TRAF6: variants seen among roughly 807,000 people sequenced by gnomAD.
The protein encoded by TRAF6 is TNF receptor-associated factor 6.
In TRAF6, 10 loss-of-function variants were observed where a neutral mutation model predicts 48.4. The ratio of observed to expected loss-of-function variants is 0.21; its 90% CI spans 0.13 to 0.35. The LOEUF (loss-of-function observed/expected upper bound fraction) is 0.35. TRAF6 is among the 10% of genes least tolerant of loss of function. The pLI is 1.00. For synonymous variants in TRAF6, 186 were observed against 219.6 expected, an observed-to-expected ratio of 0.85 and a Z score of 1.35; for missense variants, 397 against 661.0, an observed-to-expected ratio of 0.60 and a Z score of 4.38.
At chr11:36,506,921 G>A (rs1235577886) in intron 1 of TRAF6, among the ~76,000 whole-genome samples, 5 of 151,948 alleles carry the variant, frequency 3.3e-5, no homozygotes, top group Non-Finnish European at 7.4e-5. Flanking sequence ...AACAATTCTT[G>A]ACTGCCACTT....
intron 4 of TRAF6, 128 bp downstream of exon 4, chr11:36,496,980 T>C (rs1054717573): frequency 4.0e-6 from 4 of 997,108 alleles, no homozygotes; most frequent in African/African-American, 3.4e-5. Flanking sequence ...AAATCATTTT[T>C]CCCAAAATTG....
At chr11:36,500,662 G>A (rs546649093) in intron 2 of TRAF6, among the ~76,000 whole-genome samples, 8 of 152,272 alleles carry the variant, frequency 5.3e-5, no homozygotes, top group African/African-American at 1.7e-4. Flanking sequence ...AGCTGGTGGT[G>A]AGTCACAACA....
At chr11:36,500,993 T>C (rs1859708282) in intron 2 of TRAF6, among the ~76,000 whole-genome samples, 1 of 152,170 alleles carries the variant, frequency 6.6e-6, no homozygotes, top group Non-Finnish European at 1.5e-5. Context: ...GCAAATTATT[T>C]ACTTATTTAT....
Position 36,486,493 on chromosome 11 carries a change from T to TA in TRAF6, c.*3344dup, listed in dbSNP as rs1387817042. Among the ~76,000 whole-genome samples, 1 of 152,112 alleles carries TA rather than the reference T, an allele frequency of 6.6e-6. No individual in the cohort carries two copies. Among genetic ancestry groups the TA allele is most frequent in the Admixed American group, 6.5e-5 (1 of 15,274 alleles). On this transcript the variant is annotated 3_prime_UTR_variant, in exon 7 of 7. Coordinates refer to ENST00000526995, the MANE Select transcript of TRAF6 (RefSeq NM_004620.4). ...TTAGTTTATCTAAGACTTACTGGTG[T>TA]AAAAACGGTAATAGAGAATTATACT... is the stretch of plus-strand genomic sequence containing the variant.
chr11:36,499,004 T>C (rs1217171778), intron 2 of TRAF6, among the ~76,000 whole-genome samples: 1 of 152,204 alleles, frequency 6.6e-6, no homozygotes, highest in Non-Finnish European at 1.5e-5. Flanking sequence ...ACCTATATAA[T>C]ACACTAGAAA....
rs753456030 is a variant in TRAF6 at position 36,498,505 on chromosome 11, T to C, written c.432A>G (p.Glu144=). The change falls in exon 3 of 7, where the codon GAA becomes GAG. Residue 144 remains glutamate, a synonymous_variant. Transcript: ENST00000526995. ...CPNEGCLHKM[E]LRHLEDHQAH... Reference sequence around the variant, plus strand: ...ACTTTAATACCTCAAGATGTCTCAGTTCCATCTTGTGCAAACAACCTTCAT... The same window carrying C: ...ACTTTAATACCTCAAGATGTCTCAGCTCCATCTTGTGCAAACAACCTTCAT... The C allele has an allele frequency of 1.2e-5, 19 of 1,610,784 alleles. No homozygotes were observed. The South Asian group carries it at 2.1e-4, about 18-fold the overall frequency.
At chr11:36,497,758 T>C (rs989257789) in intron 3 of TRAF6, among the ~76,000 whole-genome samples, 3 of 152,242 alleles carry the variant, frequency 2.0e-5, no homozygotes, top group African/African-American at 7.2e-5. Context: ...ACTTAGTTCA[T>C]AATAAAATGC....
chr11:36,500,048 T>C (rs1859695048), intron 2 of TRAF6, among the ~76,000 whole-genome samples: 1 of 152,234 alleles, frequency 6.6e-6, no homozygotes, highest in Non-Finnish European at 1.5e-5. Context: ...TCATCTACTA[T>C]GGGTCAGGCA....
intron 3 of TRAF6, among the ~76,000 whole-genome samples, chr11:36,498,169 C>A (rs1208657554): frequency 6.6e-6 from 1 of 152,112 alleles, no homozygotes; most frequent in Non-Finnish European, 1.5e-5. Context: ...CAGGCGTGAG[C>A]CACTGTGCCT....
In TRAF6 at chr11:36,492,647, G is replaced by A; in HGVS notation, c.679-19C>T. The A allele has an allele frequency of 6.3e-7, 1 of 1,579,828 alleles. No homozygotes were observed. The highest frequency in any genetic ancestry group is 8.6e-7 in the Non-Finnish European group (1 of 1,158,340). On this transcript the variant is annotated intron_variant, in intron 5 of 6. Coordinates refer to ENST00000526995, the MANE Select transcript of TRAF6 (RefSeq NM_004620.4). ...TAGGCATCTGAAATCCAAAACAAAG[G>A]CTGAAAAATCTCTTCCTTGCATATC...
In TRAF6 at chr11:36,489,988, A is replaced by G. The variant is rs769832285; in HGVS notation, c.1419T>C (p.Tyr473=). ...GGGCTTCCAGATGCATAAAAGTTAC[A>G]TAGCCAAAACCTTTTGGGTTCCGTG... ...TIPRNPKGFG[Y]VTFMHLEALR... The change falls in exon 7 of 7, where the codon TAT becomes TAC. Residue 473 remains tyrosine (Y), a synonymous_variant. Coordinates refer to ENST00000526995, the MANE Select transcript of TRAF6 (RefSeq NM_004620.4). 17 of 1,614,116 alleles carry G rather than the reference A, an allele frequency of 1.1e-5. No homozygotes were observed. Among genetic ancestry groups the G allele is most frequent in the Non-Finnish European group, 1.4e-5 (17 of 1,180,050 alleles).
chr11:36,509,573 G>A (rs1439382935), intron 1 of TRAF6, among the ~76,000 whole-genome samples: 1 of 152,148 alleles, frequency 6.6e-6, no homozygotes, highest in Admixed American at 6.5e-5. Flanking sequence ...TCCAAGGAGC[G>A]GACAACTGCA....
chr11:36,501,169 C>T, intron 2 of TRAF6, 51 bp downstream of exon 2: 1 of 1,467,744 alleles, frequency 6.8e-7, no homozygotes, highest in East Asian at 2.5e-5. Context: ...TAACAATGTT[C>T]TCTGCATCTG....
intron 6 of TRAF6, among the ~76,000 whole-genome samples, chr11:36,491,476 A>G (rs1859562840): frequency 1.3e-5 from 2 of 152,286 alleles, no homozygotes; most frequent in Middle Eastern, 3.4e-3. Flanking sequence ...TGCTCATTTT[A>G]TTTTTTAAAT....
At position 36,487,186 on chromosome 11, in the gene TRAF6, CA is replaced by C; in HGVS notation, c.*2651del. The C allele has an allele frequency of 6.6e-6, 1 of 152,126 alleles. No individual in the cohort carries two copies. Among genetic ancestry groups the C allele is most frequent in the East Asian group, 1.9e-4 (1 of 5,174 alleles). 9.4% of individuals were successfully genotyped at this position (152,126 alleles called of 1,614,324 possible). ...ATTTAGCAATGTCCCAGAATGATGCCAAAAGATAAATATGGTAAAAGGTGGT... is the reference window on the plus strand; with the variant it reads ...ATTTAGCAATGTCCCAGAATGATGCCAAAGATAAATATGGTAAAAGGTGGT... On this transcript the variant is annotated 3_prime_UTR_variant, in exon 7 of 7. Transcript: ENST00000526995.
chr11:36,494,813 GTATT>G (rs1409589579), intron 5 of TRAF6, among the ~76,000 whole-genome samples, 159 bp downstream of exon 5: 2 of 151,190 alleles, frequency 1.3e-5, no homozygotes, highest in Non-Finnish European at 1.5e-5. Context: ...CTCCCTGAAA[GTATT>G]TATTACTTAT....
At chr11:36,495,843 GATTGCGCCATTGC>G (rs1355225325) in intron 4 of TRAF6, among the ~76,000 whole-genome samples, 1 of 152,056 alleles carries the variant, frequency 6.6e-6, no homozygotes, top group African/African-American at 2.4e-5. Flanking sequence ...GGTGAGCCGA[GATTGCGCCATTGC>G]ATTCCAGCCT....
chr11:36,505,643 A>G (rs1859774775), intron 1 of TRAF6, among the ~76,000 whole-genome samples: 1 of 152,138 alleles, frequency 6.6e-6, no homozygotes, highest in Non-Finnish European at 1.5e-5. Flanking sequence ...TCCTTCAAAA[A>G]CTTTTCCTTT....
chr11:36,509,601 C>G (rs1859872194), intron 1 of TRAF6, among the ~76,000 whole-genome samples: 3 of 152,060 alleles, frequency 2.0e-5, no homozygotes, highest in Admixed American at 2.0e-4. Context: ...ATTTCCTTAT[C>G]TGGGAAGGGG....
Sources: allele counts gnomAD v4.1 joint callset (sites outside exome capture counted in the v4.1 genomes callset), GRCh38; gene constraint gnomAD v4.1.1; transcripts MANE v1.5; gene names NCBI Gene and HGNC (gene_info 2026-07-23, HGNC 2026-07-21).